SLC9C2: variants seen among roughly 807,000 people sequenced by gnomAD.
SLC9C2 encodes sodium/hydrogen exchanger 11.
SLC9C2 carries 75 observed loss-of-function variants against 140.2 expected under a neutral mutation model. The observed-to-expected ratio is 0.53, with a 90% confidence interval of 0.44 to 0.65. SLC9C2 has a LOEUF of 0.65. Among genes scored for constraint, SLC9C2 ranks in the 30% least tolerant of loss-of-function variants. The pLI, the probability that SLC9C2 is intolerant of heterozygous loss-of-function variation, is 0.00. For missense variants in SLC9C2, 1,074 were observed against 1,331.8 expected (o/e 0.81, Z 3.01); for synonymous variants, 375 against 420.9 (o/e 0.89, Z 1.34).
In SLC9C2 at chr1:173,500,932, T is replaced by A; in HGVS notation, c.*162A>T. The A allele has an allele frequency of 1.4e-6, 1 of 739,828 alleles. No homozygotes were observed. The allele number at this position is 739,828 out of a possible 1,614,324, so 45.8% of individuals were successfully genotyped here. On this transcript the variant is annotated 3_prime_UTR_variant, in exon 28 of 28. Transcript: ENST00000367714. ...AGTTTTACAGAAGTCCATCCATTGC[T>A]TATAAACTAAATGCAGCAGTAACCT...
At chr1:173,579,445 CA>C (rs1327944006) in intron 7 of SLC9C2, among the ~76,000 whole-genome samples, 1 of 152,198 alleles carries the variant, frequency 6.6e-6, no homozygotes, top group Non-Finnish European at 1.5e-5. Context: ...ACCATCCCAT[CA>C]CTGCCTAACT....
chr1:173,558,622 C>G (rs1199991993), intron 9 of SLC9C2, among the ~76,000 whole-genome samples: 2 of 152,178 alleles, frequency 1.3e-5, no homozygotes, highest in Non-Finnish European at 2.9e-5. Flanking sequence ...TAAGGCAATA[C>G]TCAGGGCTTA....
chr1:173,596,039 T>C (rs1391079017), intron 4 of SLC9C2, among the ~76,000 whole-genome samples: 1 of 152,208 alleles, frequency 6.6e-6, no homozygotes, highest in African/African-American at 2.4e-5. Flanking sequence ...AATTTGTATG[T>C]ACCCCTTGGA....
At chr1:173,595,698 A>G (rs1571639776) in intron 4 of SLC9C2, among the ~76,000 whole-genome samples, 1 of 152,336 alleles carries the variant, frequency 6.6e-6, no homozygotes, top group East Asian at 1.9e-4. Context: ...ATTAATTCAG[A>G]AAAGGAAGAA....
intron 10 of SLC9C2, among the ~76,000 whole-genome samples, chr1:173,556,927 CAAA>C (rs79800435): frequency 9.9e-5 from 7 of 70,742 alleles, no homozygotes; most frequent in Admixed American, 1.5e-4. Context: ...AATCTTGTCT[CAAA>C]AAAAAAAAAA....
At chr1:173,533,535 C>A (rs1189661007) in intron 17 of SLC9C2, 74 bp downstream of exon 17, 3 of 1,194,572 alleles carry the variant, frequency 2.5e-6, no homozygotes, top group South Asian at 1.5e-5. Context: ...ACCTAGGCCT[C>A]CCAAAGTGCT....
intron 15 of SLC9C2, among the ~76,000 whole-genome samples, chr1:173,535,065 T>C (rs1558040152): frequency 6.6e-6 from 1 of 152,078 alleles, no homozygotes; most frequent in Non-Finnish European, 1.5e-5. Context: ...ATATATTTAT[T>C]AAAACTTTTC....
intron 12 of SLC9C2, among the ~76,000 whole-genome samples, 163 bp from the exon 13 acceptor site, chr1:173,547,947 T>C (rs759592257): frequency 1.3e-5 from 2 of 152,232 alleles, no homozygotes; most frequent in African/African-American, 4.8e-5. Context: ...ATAAGAAGTG[T>C]TGCCTTCAAT....
intron 4 of SLC9C2, among the ~76,000 whole-genome samples, chr1:173,589,681 A>C (rs1461929374): frequency 1.3e-5 from 2 of 152,204 alleles, no homozygotes; most frequent in Non-Finnish European, 2.9e-5. Flanking sequence ...AATCACAAAG[A>C]AAATAAGGCA....
rs375704009 is a variant in SLC9C2 at position 173,560,900 on chromosome 1, G to A, written c.1047-3392C>T. On this transcript the variant is annotated intron_variant, in intron 9 of 27. Transcript: ENST00000367714. ...CAACCTCTGTCTCCCAGGTTCAAGC[G>A]ATTCTCCTGCCTCAGCCTCCTGAGT... Among the ~76,000 whole-genome samples, 7 of 152,112 alleles carry A rather than the reference G, an allele frequency of 4.6e-5. No homozygotes were observed. In the East Asian group the frequency reaches 9.7e-4, roughly 21 times the overall value.
intron 9 of SLC9C2, among the ~76,000 whole-genome samples, chr1:173,558,235 T>C (rs1663846763): frequency 1.3e-5 from 2 of 152,188 alleles, no homozygotes; most frequent in South Asian, 2.1e-4. Context: ...AGAATTCCTG[T>C]CATTGAGAAA....
At chr1:173,583,040 A>C (rs1212509836) in intron 6 of SLC9C2, among the ~76,000 whole-genome samples, 3 of 152,194 alleles carry the variant, frequency 2.0e-5, no homozygotes, top group Admixed American at 1.3e-4. Context: ...ATGTCCAAGA[A>C]CACACATGCA....
chr1:173,542,987 T>C (rs1038105958), intron 13 of SLC9C2, among the ~76,000 whole-genome samples: 2 of 152,128 alleles, frequency 1.3e-5, no homozygotes, highest in Admixed American at 6.5e-5. Flanking sequence ...CTATTCAACA[T>C]AGTGTTGGAA....
intron 23 of SLC9C2, among the ~76,000 whole-genome samples, chr1:173,514,806 T>C (rs1043210272): frequency 6.6e-6 from 1 of 152,304 alleles, no homozygotes; most frequent in East Asian, 1.9e-4. Flanking sequence ...TTCCTTTCCA[T>C]ATTTAGTGCT....
chr1:173,530,093 T>C (rs1344788202), intron 17 of SLC9C2, 39 bp from the exon 18 acceptor site: 3 of 1,555,420 alleles, frequency 1.9e-6, no homozygotes, highest in African/African-American at 1.4e-5. Flanking sequence ...CCTGTACATT[T>C]GATGAGGAAA....
At chr1:173,602,280 C>A (rs188027762) in intron 1 of SLC9C2, among the ~76,000 whole-genome samples, 1 of 152,194 alleles carries the variant, frequency 6.6e-6, no homozygotes, top group Non-Finnish European at 1.5e-5. Flanking sequence ...ATGTTATGCT[C>A]CCCCTTCTCT....
At chr1:173,554,637 T>G in intron 11 of SLC9C2, 96 bp downstream of exon 11, 2 of 746,420 alleles carry the variant, frequency 2.7e-6, no homozygotes, top group East Asian at 5.2e-5. Flanking sequence ...CTAAACCAAT[T>G]CCTTGAGCTT....
chr1:173,524,756 C>T (rs758131125), intron 20 of SLC9C2, 23 bp downstream of exon 20: 111 of 1,610,650 alleles, frequency 6.9e-5, no homozygotes, highest in Middle Eastern at 1.7e-4. Flanking sequence ...GGGTGTTATG[C>T]GGACAGAATC....
chr1:173,571,994 T>C (rs1012248278), intron 9 of SLC9C2, among the ~76,000 whole-genome samples: 1 of 152,180 alleles, frequency 6.6e-6, no homozygotes, highest in African/African-American at 2.4e-5. Context: ...GCTAAATTCT[T>C]GTACTTGCAT....
Sources: gnomAD v4.1 joint callset for allele counts (sites outside exome capture counted in the v4.1 genomes callset) on GRCh38, gnomAD v4.1.1 for gene constraint, MANE v1.5 for transcripts, NCBI Gene and HGNC (gene_info 2026-07-23, HGNC 2026-07-21) for gene names.